BCKDHB: variants seen among roughly 807,000 people sequenced by gnomAD.
The protein encoded by BCKDHB is branched chain keto acid dehydrogenase E1 subunit beta.
BCKDHB carries 41 observed loss-of-function variants against 48.5 expected under a neutral mutation model. The ratio of observed to expected loss-of-function variants is 0.85; its 90% CI spans 0.66 to 1.10. The LOEUF (loss-of-function observed/expected upper bound fraction) is 1.10. BCKDHB is among the 50% of genes least tolerant of loss of function. BCKDHB has a pLI of 0.00. For missense variants in BCKDHB, 496 were observed against 494.2 expected (o/e 1.00, Z -0.03); for synonymous variants, 201 against 174.8 (o/e 1.15, Z -1.18).
At position 80,256,598 on chromosome 6, in the gene BCKDHB, A is replaced by G. The variant is rs576691718; in HGVS notation, c.952-16537A>G. Among the ~76,000 whole-genome samples, 6 of 152,342 alleles carry G rather than the reference A, an allele frequency of 3.9e-5. No homozygotes were observed. In the East Asian group the frequency reaches 5.8e-4, roughly 15 times the overall value. On this transcript the variant is annotated intron_variant, in intron 8 of 9. Coordinates refer to ENST00000320393, the MANE Select transcript of BCKDHB (RefSeq NM_183050.4). Reference sequence around the variant, plus strand: ...TTGACTAAGGAAAATATCCAAATTCATAAAATCATCCATTTTTATAAAGCT... The same window carrying G: ...TTGACTAAGGAAAATATCCAAATTCGTAAAATCATCCATTTTTATAAAGCT...
At chr6:80,216,033 C>T (rs1473366337) in intron 8 of BCKDHB, among the ~76,000 whole-genome samples, 1 of 152,154 alleles carries the variant, frequency 6.6e-6, no homozygotes, top group African/African-American at 2.4e-5. Flanking sequence ...AGCCACCGTG[C>T]CCGGCCAATG....
intron 3 of BCKDHB, among the ~76,000 whole-genome samples, chr6:80,153,796 A>T (rs1033398565): frequency 1.3e-5 from 2 of 152,132 alleles, no homozygotes; most frequent in African/African-American, 4.8e-5. Context: ...GATTTTGTGG[A>T]TGAGGAAACT....
chr6:80,302,572 C>G (rs1377811443), intron 9 of BCKDHB, among the ~76,000 whole-genome samples: 1 of 152,080 alleles, frequency 6.6e-6, no homozygotes, highest in African/African-American at 2.4e-5. Context: ...CCTGGCAAAA[C>G]CTATGTTGTC....
chr6:80,248,091 C>T lies in BCKDHB; in HGVS notation c.952-25044C>T, dbSNP rs139422482. On this transcript the variant is annotated intron_variant, in intron 8 of 9. Transcript: ENST00000320393. ...GTTGTTATTAATTTTTACTAACTCT[C>T]TTACTGTACTCTTTTTCTCCCTTAT... 1.0e-3 allele frequency among the ~76,000 whole-genome samples: 154 copies of T among 152,306 alleles called. 1 individual carries two copies. The highest frequency in any genetic ancestry group is 3.5e-3 in the African/African-American group (144 of 41,586).
intron 9 of BCKDHB, among the ~76,000 whole-genome samples, chr6:80,286,230 G>C (rs895933597): frequency 1.3e-5 from 2 of 152,212 alleles, no homozygotes; most frequent in South Asian, 4.1e-4. Context: ...AAAAAAACAA[G>C]TGGGAATTAG....
chr6:80,449,994 G>A, the BCKDHB span, among the ~76,000 whole-genome samples: 1 of 151,904 alleles, frequency 6.6e-6, no homozygotes, highest in Non-Finnish European at 1.5e-5. Context: ...ATATTATAAT[G>A]AACTCATGGA....
chr6:80,363,961 C>CA, the BCKDHB span, among the ~76,000 whole-genome samples: 1 of 152,140 alleles, frequency 6.6e-6, no homozygotes, highest in Non-Finnish European at 1.5e-5. Flanking sequence ...TAAGGAGAAC[C>CA]AAATCACGGT....
intron 8 of BCKDHB, among the ~76,000 whole-genome samples, chr6:80,206,595 C>G (rs1408475403): frequency 3.3e-5 from 5 of 151,236 alleles, no homozygotes; most frequent in Admixed American, 2.0e-4. Flanking sequence ...ATCAAGTAAA[C>G]TTTGTGGAGC....
At chr6:80,215,478 T>C (rs755478044) in intron 8 of BCKDHB, among the ~76,000 whole-genome samples, 1 of 152,212 alleles carries the variant, frequency 6.6e-6, no homozygotes, top group East Asian at 1.9e-4. Context: ...ATTTTGTGTA[T>C]TATGTTCATT....
intron 3 of BCKDHB, among the ~76,000 whole-genome samples, chr6:80,136,581 G>A (rs993014903): frequency 6.6e-6 from 1 of 151,992 alleles, no homozygotes; most frequent in Admixed American, 6.6e-5. Flanking sequence ...AAAGGTATAG[G>A]CAACAATAAA....
At chr6:80,204,162 T>G (rs910402061) in intron 8 of BCKDHB, among the ~76,000 whole-genome samples, 5 of 152,150 alleles carry the variant, frequency 3.3e-5, no homozygotes, top group Admixed American at 2.6e-4. Flanking sequence ...TTACAGGCTC[T>G]TTCTTGGGTT....
chr6:80,291,027 C>G (rs1219026710), intron 9 of BCKDHB, among the ~76,000 whole-genome samples: 1 of 152,166 alleles, frequency 6.6e-6, no homozygotes, highest in East Asian at 1.9e-4. Context: ...TTTACTGCAG[C>G]CTGTATAATC....
rs370299995 is a variant in BCKDHB at position 80,344,089 on chromosome 6, C to T, written c.*285C>T. The T allele has an allele frequency of 4.7e-6, 2 of 422,908 alleles. No individual in the cohort carries two copies. The highest frequency in any genetic ancestry group is 8.8e-6 in the Non-Finnish European group (2 of 227,496). 26.2% of individuals were successfully genotyped at this position (422,908 alleles called of 1,614,324 possible). Reference sequence around the variant, plus strand: ...AATCTCAGCTCACTGCAACCTCCCCCCTACCCCTGAGTTCAAGCGATTCTC... The same window carrying T: ...AATCTCAGCTCACTGCAACCTCCCCTCTACCCCTGAGTTCAAGCGATTCTC... On this transcript the variant is annotated 3_prime_UTR_variant, in exon 10 of 10. Transcript: ENST00000320393.
At chr6:80,405,492 G>A in the BCKDHB span, among the ~76,000 whole-genome samples, 1 of 152,180 alleles carries the variant, frequency 6.6e-6, no homozygotes, top group South Asian at 2.1e-4. Context: ...CGGTCGCTAT[G>A]CCTTTTGATT....
At chr6:80,189,459 G>C (rs901920912) in intron 6 of BCKDHB, among the ~76,000 whole-genome samples, 1 of 152,138 alleles carries the variant, frequency 6.6e-6, no homozygotes, top group Non-Finnish European at 1.5e-5. Context: ...TGCTATACAG[G>C]CAGTGACATT....
At chr6:80,288,193 G>A (rs1350705119) in intron 9 of BCKDHB, among the ~76,000 whole-genome samples, 2 of 151,770 alleles carry the variant, frequency 1.3e-5, no homozygotes, top group Admixed American at 6.6e-5. Flanking sequence ...TTAGCTGCTC[G>A]AGTAAGTGAA....
At chr6:80,311,939 A>T (rs186640178) in intron 9 of BCKDHB, among the ~76,000 whole-genome samples, 34 of 152,308 alleles carry the variant, frequency 2.2e-4, no homozygotes, top group Admixed American at 2.0e-3. Context: ...TGAATTTCAA[A>T]ATAGTATTTT....
At chr6:80,390,690 T>C in the BCKDHB span, among the ~76,000 whole-genome samples, 5 of 152,224 alleles carry the variant, frequency 3.3e-5, no homozygotes. Context: ...ACCTTACTAT[T>C]GTCTTTCTTT....
At chr6:80,210,875 C>T (rs1774901980) in intron 8 of BCKDHB, among the ~76,000 whole-genome samples, 1 of 152,114 alleles carries the variant, frequency 6.6e-6, no homozygotes, top group Non-Finnish European at 1.5e-5. Flanking sequence ...AATGGACTTT[C>T]CTGCTGACAT....
Sources: allele counts gnomAD v4.1 joint callset (sites outside exome capture counted in the v4.1 genomes callset), GRCh38; gene constraint gnomAD v4.1.1; transcripts MANE v1.5; gene names NCBI Gene and HGNC (gene_info 2026-07-23, HGNC 2026-07-21).